The following TMEM255A variants were observed in gnomAD, a reference collection of about 807,000 sequenced individuals.
The protein encoded by TMEM255A is transmembrane protein 255A, also known as family with sequence similarity 70, member A.
Under a neutral mutation model 23.5 loss-of-function variants are expected in TMEM255A, and 14 were observed. The observed-to-expected ratio is 0.60, with a 90% CI of 0.39 to 0.93. The LOEUF (loss-of-function observed/expected upper bound fraction) is 0.93. TMEM255A is among the 40% of genes least tolerant of loss of function. The pLI is 0.00. For synonymous variants in TMEM255A, 104 were observed against 100.3 expected (o/e 1.04, Z -0.22); for missense variants, 233 against 261.7 (o/e 0.89, Z 0.76).
intron 8 of TMEM255A, among the ~76,000 whole-genome samples, chrX:120,266,935 A>G: frequency 8.9e-6 from 1 of 112,153 alleles, no homozygotes; most frequent in East Asian, 2.8e-4. Flanking sequence ...GAATTTTATC[A>G]TTATATTTTC....
At chrX:120,297,131 ATAT>A (rs1286975092) in intron 2 of TMEM255A, among the ~76,000 whole-genome samples, 356 of 31,190 alleles carry the variant, frequency 0.011, 3 homozygotes, top group Non-Finnish European at 0.014. Context: ...ATAATATATA[ATAT>A]TATATATATT....
intron 2 of TMEM255A, among the ~76,000 whole-genome samples, chrX:120,302,510 C>T (rs1195500814): frequency 1.9e-5 from 2 of 104,946 alleles, no homozygotes; most frequent in African/African-American, 7.0e-5. Context: ...CCCCGACCCC[C>T]CACCGGCTTT....
Position 120,287,029 on chromosome X carries a change from C to G in TMEM255A, c.423+125G>C. The G allele has an allele frequency of 5.0e-6, 3 of 605,550 alleles. No homozygotes were observed. In the Admixed American group the frequency reaches 7.2e-5, roughly 14 times the overall value. The allele number at this position is 605,550 out of a possible 1,213,427, so 49.9% of individuals were successfully genotyped here. ...TAGCAATGTGCTCTGACCCACTGAA[C>G]AAATCAGCTATACATACCTAGAAAT... On this transcript the variant is annotated intron_variant, in intron 5 of 8. Coordinates refer to ENST00000371369, the MANE Select transcript of TMEM255A (RefSeq NM_001104544.3).
At chrX:120,271,322 G>A (rs2057759465) in intron 7 of TMEM255A, among the ~76,000 whole-genome samples, 2 of 112,145 alleles carry the variant, frequency 1.8e-5, no homozygotes, top group Admixed American at 1.9e-4. Flanking sequence ...CTGGGCTCCA[G>A]TCCCAGTTCT....
chrX:120,266,193 A>G (rs2057716522), intron 8 of TMEM255A, among the ~76,000 whole-genome samples: 2 of 108,906 alleles, frequency 1.8e-5, no homozygotes, highest in South Asian at 8.0e-4. Context: ...CAATCCCCAA[A>G]GTCTCTGCTA....
At chrX:120,273,496 TG>T in intron 7 of TMEM255A, 1 of 144,291 alleles carries the variant, frequency 6.9e-6, no homozygotes. Flanking sequence ...ATACAAAATT[TG>T]GGGGTAACAT....
At chrX:120,278,788 A>T (rs1556020297) in intron 6 of TMEM255A, among the ~76,000 whole-genome samples, 1 of 112,499 alleles carries the variant, frequency 8.9e-6, no homozygotes, top group Non-Finnish European at 1.9e-5. Flanking sequence ...AAAGACTTAA[A>T]CTTTACAGAT....
At chrX:120,264,237 A>G (rs2057700391) in intron 8 of TMEM255A, among the ~76,000 whole-genome samples, 1 of 111,677 alleles carries the variant, frequency 9.0e-6, no homozygotes, top group African/African-American at 3.3e-5. Flanking sequence ...ATTTTGGACT[A>G]CTTGGCTAAA....
chrX:120,284,534 A>ATG (rs1444551033), intron 6 of TMEM255A, among the ~76,000 whole-genome samples: 5 of 102,046 alleles, frequency 4.9e-5, no homozygotes, highest in African/African-American at 2.2e-4. Flanking sequence ...GTGCACGTGC[A>ATG]CGCACACACA....
chrX:120,284,026 G>T (rs1226750360), intron 6 of TMEM255A, among the ~76,000 whole-genome samples: 1 of 111,114 alleles, frequency 9.0e-6, no homozygotes, highest in African/African-American at 3.3e-5. Context: ...TCTTCTTTTG[G>T]TTTGTCTCCT....
chrX:120,288,310 A>G lies in TMEM255A; in HGVS notation c.355-1088T>C, dbSNP rs147000415. ...CTTTCCATCAGCTAGCTACTTCTACATGAAACTCCTGCCTGCTCAATGTTC... is the reference window on the plus strand; with the variant it reads ...CTTTCCATCAGCTAGCTACTTCTACGTGAAACTCCTGCCTGCTCAATGTTC... On this transcript the variant is annotated intron_variant, in intron 4 of 8. Transcript: ENST00000371369. Among the ~76,000 whole-genome samples the G allele has an allele frequency of 5.3e-4, 59 of 111,765 alleles. No individual in the cohort carries two copies. The South Asian group carries it at 0.012, about 22-fold the overall frequency.
intron 2 of TMEM255A, among the ~76,000 whole-genome samples, chrX:120,301,715 G>T (rs1290710830): frequency 1.8e-5 from 2 of 111,535 alleles, no homozygotes; most frequent in Non-Finnish European, 3.8e-5. Flanking sequence ...TTGGGCTAGG[G>T]AGTAGAGATC....
At position 120,285,689 on chromosome X, in the gene TMEM255A, C is replaced by T. The variant is rs782270152; in HGVS notation, c.424-474G>A. 2.5e-6 allele frequency: 3 copies of T among 1,210,414 alleles called. No individual in the cohort carries two copies. The Admixed American group carries it at 6.5e-5, about 26-fold the overall frequency. ...GGAAGGAGAATTTTTGGTTGAGGAA[C>T]TTATGACCTTATGTAGGAAAAATAG... On this transcript the variant is annotated intron_variant, in intron 5 of 8. Transcript: ENST00000371369.
At chrX:120,300,043 C>T (rs781981716) in intron 2 of TMEM255A, among the ~76,000 whole-genome samples, 2 of 111,976 alleles carry the variant, frequency 1.8e-5, no homozygotes, top group African/African-American at 3.2e-5. Flanking sequence ...GGCTAGTATG[C>T]GCCCTAATAG....
chrX:120,285,875 A>G (rs782699833), intron 5 of TMEM255A: 1 of 1,195,834 alleles, frequency 8.4e-7, no homozygotes, highest in East Asian at 3.0e-5. Context: ...AACGGAAAAG[A>G]ATTTCATTTA....
chrX:120,297,772 T>C (rs2058007097), intron 2 of TMEM255A, among the ~76,000 whole-genome samples: 1 of 111,311 alleles, frequency 9.0e-6, no homozygotes, highest in Admixed American at 9.6e-5. Flanking sequence ...TTGTGACCAG[T>C]GCTAGTAGAA....
rs782736120 is a variant in TMEM255A, at chrX:120,304,624, G to T, written c.59-133C>A. The T allele has an allele frequency of 5.6e-5, 34 of 611,802 alleles. No individual in the cohort carries two copies. The African/African-American group carries it at 5.7e-4, about 10-fold the overall frequency. 50.4% of individuals were successfully genotyped at this position (611,802 alleles called of 1,213,427 possible). On this transcript the variant is annotated intron_variant, in intron 1 of 8. Transcript: ENST00000371369. ...GAAGTTATCTTTGGTGGTGACGGGT[G>T]GGGGGTTGTGGGGAAGGGATAGAGC...
chrX:120,268,376 G>A lies in TMEM255A; in HGVS notation c.687C>T (p.Leu229=), dbSNP rs781848334. 2 of 1,200,218 alleles carry A rather than the reference G, an allele frequency of 1.7e-6. No individual in the cohort carries two copies. Among genetic ancestry groups the A allele is most frequent in the East Asian group, 3.0e-5 (1 of 33,564 alleles). The change falls in exon 8 of 9, where the codon CTC becomes CTT. Residue 229 remains leucine, a synonymous_variant. Coordinates refer to ENST00000371369, the MANE Select transcript of TMEM255A (RefSeq NM_001104544.3). Reference sequence around the variant, plus strand: ...TTTCAACAGAACAGTTCAGTGCTGGGAGAGTTGGGTTCTGTAGAAAAACAC... The same window carrying A: ...TTTCAACAGAACAGTTCAGTGCTGGAAGAGTTGGGTTCTGTAGAAAAACAC... ...LGGFKDMNPT[L]PALNCSVENT... is the part of the protein sequence containing the mutation.
chrX:120,268,430 C>T lies in TMEM255A; in HGVS notation c.676-43G>A, dbSNP rs1556018021. 6.6e-6 allele frequency: 7 copies of T among 1,062,850 alleles called. No homozygotes were observed. In the South Asian group the frequency reaches 1.3e-4, roughly 20 times the overall value. The allele number at this position is 1,062,850 out of a possible 1,213,427, so 87.6% of individuals were successfully genotyped here. ...TTAGAAACAACATAAACAGTCATCA[C>T]TAGGAGAATGGTTAAATAAACTTAG... On this transcript the variant is annotated intron_variant, in intron 7 of 8. Coordinates refer to ENST00000371369, the MANE Select transcript of TMEM255A (RefSeq NM_001104544.3).
Sources: allele counts gnomAD v4.1 joint callset (sites outside exome capture counted in the v4.1 genomes callset), GRCh38; gene constraint gnomAD v4.1.1; transcripts MANE v1.5; gene names NCBI Gene and HGNC (gene_info 2026-07-23, HGNC 2026-07-21).